The following GOLGA8J variants were observed in gnomAD, a reference collection of about 807,000 sequenced individuals.
GOLGA8J encodes golgin A8 family member J.
A neutral mutation model predicts 67.7 loss-of-function variants in GOLGA8J; 19 were observed. The observed-to-expected ratio is 0.28, with a 90% CI of 0.20 to 0.41. The LOEUF is 0.41. GOLGA8J is among the 10% of genes least tolerant of loss of function. GOLGA8J has a pLI of 1.00. For missense variants in GOLGA8J, 205 were observed against 584.3 expected (o/e 0.35, Z 6.69); for synonymous variants, 69 against 215.9 (o/e 0.32, Z 5.97).
intron 11 of GOLGA8J, among the ~76,000 whole-genome samples, 178 bp from the exon 12 acceptor site, chr15:30,089,522 T>C (rs1330876684): frequency 7.3e-6 from 1 of 137,066 alleles, no homozygotes; most frequent in Non-Finnish European, 1.5e-5. Flanking sequence ...GGGCCCATTG[T>C]CAGCCACCCG....
rs1445857421 is a variant in GOLGA8J, at chr15:30,088,991, A to C, written c.737A>C (p.Lys246Thr). ...LERDEYSEHL[K>T]GERARWQQRM... is the part of the protein sequence containing the mutation. ...AGAGATGAGTATTCTGAACATCTAA[A>C]AGGAGAGAGGGCCCGGTGGCAGCAG... Residue 246 changes from lysine to threonine, a missense_variant, in exon 10 of 19, where the codon AAA (lysine) becomes ACA (threonine). Coordinates refer to ENST00000567927, the MANE Select transcript of GOLGA8J (RefSeq NM_001282472.2). The C allele has an allele frequency of 6.8e-7, 1 of 1,468,996 alleles. No homozygotes were observed. The highest frequency in any genetic ancestry group is 9.1e-7 in the Non-Finnish European group (1 of 1,102,642). The allele number at this position is 1,468,996 out of a possible 1,614,324, so 91.0% of individuals were successfully genotyped here.
chr15:30,094,603 C>G lies in GOLGA8J; in HGVS notation c.*1104C>G, dbSNP rs1398642241. 7.9e-6 allele frequency among the ~76,000 whole-genome samples: 1 copy of G among 127,016 alleles called. No homozygotes were observed. The highest frequency in any genetic ancestry group is 2.1e-4 in the East Asian group (1 of 4,714). The allele number at this position is 127,016 out of a possible 152,430, so 83.3% of individuals were successfully genotyped here. A position where few individuals can be genotyped will look rare whatever the true frequency, so the allele number is the denominator to read the frequency against. On this transcript the variant is annotated 3_prime_UTR_variant, in exon 19 of 19. Coordinates refer to ENST00000567927, the MANE Select transcript of GOLGA8J (RefSeq NM_001282472.2). ...AGAGTGAAGGAAAGCTGTGTGACAC[C>G]TGGCATTCCTCTCTGTTCACGGAGA...
Position 30,094,074 on chromosome 15 carries a change from C to G in GOLGA8J, c.*575C>G, listed in dbSNP as rs2057444182. 1.4e-5 allele frequency among the ~76,000 whole-genome samples: 2 copies of G among 147,190 alleles called. 1 individual carries two copies. The highest frequency in any genetic ancestry group is 5.2e-5 in the African/African-American group (2 of 38,096). On this transcript the variant is annotated 3_prime_UTR_variant, in exon 19 of 19. Transcript: ENST00000567927. Reference sequence around the variant, plus strand: ...CCAAGAACTGGAAACAGCCTTTCCTCCATTTTCTGTGTGTTGGTGATGGGA... The same window carrying G: ...CCAAGAACTGGAAACAGCCTTTCCTGCATTTTCTGTGTGTTGGTGATGGGA...
At position 30,090,345 on chromosome 15, in the gene GOLGA8J, G is replaced by A. The variant is rs1475819913; in HGVS notation, c.1200+65G>A. The A allele has an allele frequency of 1.3e-5, 18 of 1,386,728 alleles. 3 individuals carry two copies. Among genetic ancestry groups the A allele is most frequent in the Admixed American group, 2.0e-5 (1 of 50,298 alleles). The allele number at this position is 1,386,728 out of a possible 1,614,324, so 85.9% of individuals were successfully genotyped here. ...TGGGAGGCGGGCAGCAGCCTCTTGG[G>A]AGGGGAGGTGCCAGGCCAGAGGCAG... On this transcript the variant is annotated intron_variant, in intron 13 of 18. Transcript: ENST00000567927.
At chr15:30,091,891 T>G (rs2057408432) in intron 14 of GOLGA8J, 151 bp from the exon 15 acceptor site, 1 of 623,816 alleles carries the variant, frequency 1.6e-6, no homozygotes. Context: ...AGCAAGATCT[T>G]GATTCTTAAA....
rs1422944667 is a variant in GOLGA8J, at chr15:30,084,394, G to A, written c.49-377G>A. Among the ~76,000 whole-genome samples, 530 of 121,500 alleles carry A rather than the reference G, an allele frequency of 4.4e-3. 10 individuals carry two copies. Among genetic ancestry groups the A allele is most frequent in the African/African-American group, 0.02 (471 of 23,422 alleles). The allele number at this position is 121,500 out of a possible 152,430, so 79.7% of individuals were successfully genotyped here. The stretch of plus-strand genomic sequence containing the variant: ...ATATAAGAGTTTGAGAGGTACTGGT[G>A]CACTTCTTCACACTAACAGACGTGT... On this transcript the variant is annotated intron_variant, in intron 1 of 18. Transcript: ENST00000567927.
intron 8 of GOLGA8J, 129 bp from the exon 9 acceptor site, chr15:30,088,611 C>T (rs1013914872): frequency 2.6e-5 from 22 of 839,390 alleles, no homozygotes; most frequent in African/African-American, 6.9e-5. Flanking sequence ...AACCAGACCA[C>T]GGGCTTGGAA....
rs201224817 is a variant in GOLGA8J at position 30,092,878 on chromosome 15, T to C, written c.1470-13T>C. The C allele has an allele frequency of 4.0e-3, 5,561 of 1,386,226 alleles. 102 individuals are homozygous for C. Among genetic ancestry groups the C allele is most frequent in the Middle Eastern group, 5.1e-3 (21 of 4,112 alleles). The allele number at this position is 1,386,226 out of a possible 1,614,324, so 85.9% of individuals were successfully genotyped here. On this transcript the variant is annotated splice_polypyrimidine_tract_variant and intron_variant, in intron 16 of 18. Transcript: ENST00000567927. ...CGGAGGGGCCCCAGCGTCTGAGCCC[T>C]GTCCTCCCGCAGGAAAACCCATCAC...
intron 8 of GOLGA8J, 147 bp from the exon 9 acceptor site, chr15:30,088,593 C>A (rs1055994329): frequency 3.3e-5 from 27 of 807,090 alleles, no homozygotes; most frequent in East Asian, 1.3e-4. Context: ...TTACTGAGTT[C>A]TTTTAAAAAC....
rs2057378704 is a variant in GOLGA8J, at chr15:30,089,869, G to A, written c.1044G>A (p.Glu348=). 6.5e-7 allele frequency: 1 copy of A among 1,540,142 alleles called. No homozygotes were observed. The highest frequency in any genetic ancestry group is 1.8e-5 in the Admixed American group (1 of 56,012). The part of the protein sequence containing the change: ...RQEERIREQE[E]RLRKQEERIQ... ...AAGAGAGGATTCGGGAGCAGGAAGA[G>A]AGGCTTCGGAAGCAGGAGGAGAGGA... Residue 348 remains glutamate, a synonymous_variant, in exon 12 of 19, where the codon GAG becomes GAA. Transcript: ENST00000567927.
rs1269251101 is a variant in GOLGA8J, at chr15:30,094,946, TCA to T, written c.*1450_*1451del. On this transcript the variant is annotated 3_prime_UTR_variant, in exon 19 of 19. Transcript: ENST00000567927. ...ATTATCAGGAAACGTGTCTATACAA[TCA>T]CAGAGTTATATTTTCTCACAGACTT... Among the ~76,000 whole-genome samples the T allele has an allele frequency of 4.3e-5, 6 of 139,618 alleles. No homozygotes were observed. The highest frequency in any genetic ancestry group is 1.8e-4 in the African/African-American group (6 of 33,262). The allele number at this position is 139,618 out of a possible 152,430, so 91.6% of individuals were successfully genotyped here.
chr15:30,084,444 T>A (rs1319818239), intron 1 of GOLGA8J, among the ~76,000 whole-genome samples: 1 of 107,008 alleles, frequency 9.3e-6, no homozygotes, highest in Non-Finnish European at 1.8e-5. Context: ...CTAAACCACA[T>A]GGCATACAGT....
Position 30,096,252 on chromosome 15 carries a change from C to A in GOLGA8J, c.*2753C>A, listed in dbSNP as rs571035221. Reference sequence around the variant, plus strand: ...ATAATCATTTTAAAAGTATTTGATTCAACCTGATAATTTTCCAGAAATGAA... The same window carrying A: ...ATAATCATTTTAAAAGTATTTGATTAAACCTGATAATTTTCCAGAAATGAA... On this transcript the variant is annotated 3_prime_UTR_variant, in exon 19 of 19. Coordinates refer to ENST00000567927, the MANE Select transcript of GOLGA8J (RefSeq NM_001282472.2). Among the ~76,000 whole-genome samples the A allele has an allele frequency of 6.2e-4, 92 of 148,226 alleles. No homozygotes were observed. Among genetic ancestry groups the A allele is most frequent in the East Asian group, 4.5e-3 (22 of 4,868 alleles).
At position 30,095,512 on chromosome 15, in the gene GOLGA8J, G is replaced by C. The variant is rs1294959199; in HGVS notation, c.*2013G>C. Among the ~76,000 whole-genome samples the C allele has an allele frequency of 2.1e-5, 3 of 143,334 alleles. No homozygotes were observed. The highest frequency in any genetic ancestry group is 4.5e-5 in the Non-Finnish European group (3 of 66,458). 94.0% of individuals were successfully genotyped at this position (143,334 alleles called of 152,430 possible). ...CAGTGGTACGATTTGTAGCCCGTGGGTTTAAAATGCACTTAAAGTCCTGTT... is the reference window on the plus strand; with the variant it reads ...CAGTGGTACGATTTGTAGCCCGTGGCTTTAAAATGCACTTAAAGTCCTGTT... On this transcript the variant is annotated 3_prime_UTR_variant, in exon 19 of 19. Coordinates refer to ENST00000567927, the MANE Select transcript of GOLGA8J (RefSeq NM_001282472.2).
At chr15:30,087,779 C>T in intron 8 of GOLGA8J, 95 bp downstream of exon 8, 1 of 707,768 alleles carries the variant, frequency 1.4e-6, no homozygotes, top group Non-Finnish European at 2.4e-6. Context: ...AGTGTCCTGC[C>T]CAGAAGGCAG....
In GOLGA8J at chr15:30,089,882, C is replaced by T. The variant is rs746899130; in HGVS notation, c.1057C>T (p.Gln353Ter). 6 of 1,530,506 alleles carry T rather than the reference C, an allele frequency of 3.9e-6. 2 individuals carry two copies. The South Asian group carries it at 4.7e-5, about 12-fold the overall frequency. 94.8% of individuals were successfully genotyped at this position (1,530,506 alleles called of 1,614,324 possible). Residue 353 changes from glutamine (Q) to a stop codon, truncating the protein, a stop_gained, in exon 12 of 19, where the codon CAG (glutamine) becomes TAG (stop). Transcript: ENST00000567927. LOFTEE classifies it high-confidence loss of function. ...GGAGCAGGAAGAGAGGCTTCGGAAG[C>T]AGGAGGAGAGGATTCAGGAGCAGCA... ...IREQEERLRK[Q>*]EERIQEQHKS...
In GOLGA8J at chr15:30,088,757, A is replaced by G; in HGVS notation, c.609A>G (p.Lys203=). The G allele has an allele frequency of 7.5e-7, 1 of 1,327,194 alleles. No individual in the cohort carries two copies. Among genetic ancestry groups the G allele is most frequent in the African/African-American group, 1.6e-5 (1 of 62,236 alleles). The allele number at this position is 1,327,194 out of a possible 1,614,324, so 82.2% of individuals were successfully genotyped here. A position where few individuals can be genotyped will look rare whatever the true frequency, so the allele number is the denominator to read the frequency against. Residue 203 remains lysine, a synonymous_variant, in exon 9 of 19, where the codon AAA becomes AAG. Coordinates refer to ENST00000567927, the MANE Select transcript of GOLGA8J (RefSeq NM_001282472.2). The stretch of plus-strand genomic sequence containing the variant: ...CCATCCAGTTGTCCAGCCGCAGCAA[A>G]GCACGTACGGAGTGGAAGTTAGAGC... The part of the protein sequence containing the change: ...KKANQLSSRS[K]ARTEWKLEQS...
At position 30,092,056 on chromosome 15, in the gene GOLGA8J, C is replaced by T. The variant is rs779194036; in HGVS notation, c.1291C>T (p.His431Tyr). Residue 431 changes from histidine to tyrosine, a missense_variant, in exon 15 of 19, where the codon CAT (histidine) becomes TAT (tyrosine). Coordinates refer to ENST00000567927, the MANE Select transcript of GOLGA8J (RefSeq NM_001282472.2). Reference protein sequence around the residue: ...ALPGEGHGGEHLDSEGEEAPR... With the variant: ...ALPGEGHGGEYLDSEGEEAPR... ...ACCCCCCACAGGACACGGAGGAGAA[C>T]ATCTGGACAGTGAGGGGGAGGAGGC... The T allele has an allele frequency of 5.0e-6, 8 of 1,598,376 alleles. 1 individual carries two copies. The African/African-American group carries it at 7.0e-5, about 14-fold the overall frequency.
rs2057466518 is a variant in GOLGA8J, at chr15:30,096,306, T to G, written c.*2807T>G. 1.3e-5 allele frequency among the ~76,000 whole-genome samples: 2 copies of G among 151,024 alleles called. No individual in the cohort carries two copies. Among genetic ancestry groups the G allele is most frequent in the Non-Finnish European group, 2.9e-5 (2 of 67,948 alleles). On this transcript the variant is annotated 3_prime_UTR_variant, in exon 19 of 19. Coordinates refer to ENST00000567927, the MANE Select transcript of GOLGA8J (RefSeq NM_001282472.2). ...AAAAAATCAGCTCTAAAACCAAAGCTGATTTTAGAAAATTTGAAAATGTAA... is the reference window on the plus strand; with the variant it reads ...AAAAAATCAGCTCTAAAACCAAAGCGGATTTTAGAAAATTTGAAAATGTAA...
Sources: gnomAD v4.1 joint callset for allele counts (sites outside exome capture counted in the v4.1 genomes callset) on GRCh38, gnomAD v4.1.1 for gene constraint, MANE v1.5 for transcripts, NCBI Gene and HGNC (gene_info 2026-07-23, HGNC 2026-07-21) for gene names.